Variants in ZNF318 observed in about 807,000 individuals in gnomAD.
ZNF318 encodes the protein endocrine regulator.
A neutral mutation model predicts 124.2 loss-of-function variants in ZNF318; 51 were observed. That is an observed-to-expected ratio of 0.41 (90% CI 0.33 to 0.52). The LOEUF (loss-of-function observed/expected upper bound fraction) is 0.52. ZNF318 is among the 20% of genes least tolerant of loss of function. ZNF318 has a pLI of 0.23. For synonymous variants in ZNF318, 1,090 were observed against 1,040.7 expected (o/e 1.05, Z -0.91); for missense variants, 2,815 against 2,811.2 (o/e 1.00, Z -0.03).
chr6:43,350,826 T>C (rs1039475807), intron 5 of ZNF318, among the ~76,000 whole-genome samples: 3 of 152,134 alleles, frequency 2.0e-5, no homozygotes, highest in African/African-American at 7.2e-5. Flanking sequence ...AAAAAATTTT[T>C]AAATAACTAT....
intron 5 of ZNF318, among the ~76,000 whole-genome samples, chr6:43,350,641 T>C (rs1779511825): frequency 6.6e-6 from 1 of 151,570 alleles, no homozygotes; most frequent in East Asian, 1.9e-4. Context: ...CTTGGCAACA[T>C]GGCAAAACCT....
At position 43,354,783 on chromosome 6, in the gene ZNF318, ACT is replaced by A; in HGVS notation, c.2549_2550del (p.Glu850ValfsTer24). The stretch of plus-strand genomic sequence containing the variant: ...GCCGCAGGAATTGAGCCTCGCAGAG[ACT>A]CTTTCTGCTTAGGCTTATCAGGAGT... ...TVTPDKPKQK[E>X]SLRGSIPAAQ... is the part of the protein sequence containing the mutation. On this transcript the variant is annotated frameshift_variant, in exon 4 of 10. Coordinates refer to ENST00000361428, the MANE Select transcript of ZNF318 (RefSeq NM_014345.3). LOFTEE classifies it high-confidence loss of function. The A allele has an allele frequency of 1.2e-6, 2 of 1,613,964 alleles. No homozygotes were observed. Among genetic ancestry groups the A allele is most frequent in the East Asian group, 2.2e-5 (1 of 44,870 alleles).
At chr6:43,349,452 T>C (rs1779497828) in intron 5 of ZNF318, among the ~76,000 whole-genome samples, 1 of 150,732 alleles carries the variant, frequency 6.6e-6, no homozygotes, top group Non-Finnish European at 1.5e-5. Flanking sequence ...CTTGAACTCC[T>C]GAGCTCAAAG....
chr6:43,353,027 C>T (rs1299673805), intron 4 of ZNF318, among the ~76,000 whole-genome samples: 1 of 152,136 alleles, frequency 6.6e-6, no homozygotes, highest in Non-Finnish European at 1.5e-5. Flanking sequence ...AACTATACTA[C>T]TACCTAATGA....
In ZNF318 at chr6:43,338,404, G is replaced by C; in HGVS notation, c.5594C>G (p.Ala1865Gly). Residue 1865 changes from alanine to glycine, a missense_variant, in exon 10 of 10, where the codon GCA (alanine) becomes GGA (glycine). Physicochemically the swap from Ala to Gly is moderately conservative, Grantham distance 60. Around this residue, in one of 4 missense-constraint regions of ZNF318, gnomAD observed 927 missense variants for 820.6 expected, o/e 1.13. Coordinates refer to ENST00000361428, the MANE Select transcript of ZNF318 (RefSeq NM_014345.3). Reference sequence around the variant, plus strand: ...TTCTGATAAAAATGAGTCTAATTTTGCCTTTGTGAAAGAGCAAGCCTGTGG... The same window carrying C: ...TTCTGATAAAAATGAGTCTAATTTTCCCTTTGTGAAAGAGCAAGCCTGTGG... ...LSPQACSFTKAKLDSFLSEAR... is the reference protein window; with the variant it reads ...LSPQACSFTKGKLDSFLSEAR... 2 of 1,614,124 alleles carry C rather than the reference G, an allele frequency of 1.2e-6. No individual in the cohort carries two copies.
At chr6:43,340,610 T>C in intron 9 of ZNF318, 108 bp from the exon 10 acceptor site, 1 of 1,497,564 alleles carries the variant, frequency 6.7e-7, no homozygotes, top group Non-Finnish European at 8.8e-7. Context: ...CAGAATTATC[T>C]TCCTCAAGGA....
intron 2 of ZNF318, among the ~76,000 whole-genome samples, chr6:43,360,001 A>G (rs1270756334): frequency 6.6e-6 from 1 of 152,174 alleles, no homozygotes; most frequent in Non-Finnish European, 1.5e-5. Context: ...GAGTTGAGTC[A>G]CTCCATTGCC....
Position 43,339,648 on chromosome 6 carries a change from TGGAGGTGGGGGTGGTGGA to T in ZNF318, c.4332_4349del (p.Pro1451_Pro1456del), listed in dbSNP as rs765215558. ...GTATAACGGGGGGTGGTGGAGGTGG[TGGAGGTGGGGGTGGTGGA>T]GGAGGTGGTAGTATTTGTTCAGGTA... On this transcript the variant is annotated inframe_deletion, in exon 10 of 10. Coordinates refer to ENST00000361428, the MANE Select transcript of ZNF318 (RefSeq NM_014345.3). This position sits in a 1 kb window ranked among gnomAD's most constrained non-coding sequence, Gnocchi z 4.2. 23 of 785,900 alleles carry T rather than the reference TGGAGGTGGGGGTGGTGGA, an allele frequency of 2.9e-5. No homozygotes were observed. Among genetic ancestry groups the T allele is most frequent in the Non-Finnish European group, 1.8e-6 (1 of 540,666 alleles). 48.7% of individuals were successfully genotyped at this position (785,900 alleles called of 1,614,324 possible).
At chr6:43,359,949 T>C (rs1779659442) in intron 2 of ZNF318, among the ~76,000 whole-genome samples, 1 of 152,204 alleles carries the variant, frequency 6.6e-6, no homozygotes, top group Admixed American at 6.5e-5. Flanking sequence ...TCTATAGGTC[T>C]GTCAGCCATA....
chr6:43,365,430 G>A lies in ZNF318; in HGVS notation c.410C>T (p.Pro137Leu), dbSNP rs1486389871. ...PGDSGSRRRS[P>L]GLCSDSLEKS... The stretch of plus-strand genomic sequence containing the variant: ...TTCCAAAGAGTCAGAACACAGACCA[G>A]GAGAGCGTCTCTACAAAAGTAAAGG... Residue 137 changes from proline to leucine, a missense_variant, in exon 2 of 10, where the codon CCT (proline) becomes CTT (leucine). By Grantham distance (98) the Pro-to-Leu change is moderately conservative. Coordinates refer to ENST00000361428, the MANE Select transcript of ZNF318 (RefSeq NM_014345.3). The A allele has an allele frequency of 4.3e-6, 7 of 1,613,554 alleles. No homozygotes were observed. In the African/African-American group the frequency reaches 5.3e-5, roughly 12 times the overall value.
chr6:43,350,136 G>A (rs1265079318), intron 5 of ZNF318, among the ~76,000 whole-genome samples: 3 of 152,186 alleles, frequency 2.0e-5, no homozygotes, highest in African/African-American at 7.2e-5. Context: ...TGTAATCCCA[G>A]CTACTTGGGA....
rs767759835 is a variant in ZNF318, at chr6:43,338,495, C to T, written c.5503G>A (p.Ala1835Thr). 6 of 1,614,198 alleles carry T rather than the reference C, an allele frequency of 3.7e-6. No homozygotes were observed. The East Asian group carries it at 1.3e-4, about 36-fold the overall frequency. The change falls in exon 10 of 10, where the codon GCT becomes ACT. Residue 1835 changes from alanine (A) to threonine (T), a missense_variant. Physicochemically the swap from Ala to Thr is moderately conservative, Grantham distance 58. This residue lies in a region of ZNF318 where 927 missense variants were observed against 820.6 expected (regional missense o/e 1.13). Transcript: ENST00000361428. ...GTCATCAATTTATTGGACTGTTCAG[C>T]CTCTTTGTCAATCATTAGCAAGTTG... is the stretch of plus-strand genomic sequence containing the variant. Reference protein sequence around the residue: ...QPNLLMIDKEAEQSNKLMTGS... With the variant: ...QPNLLMIDKETEQSNKLMTGS...
intron 2 of ZNF318, among the ~76,000 whole-genome samples, chr6:43,364,475 A>ACGGCAAG (rs1779733077): frequency 6.6e-6 from 1 of 152,148 alleles, no homozygotes. Flanking sequence ...TCTGTGCAAC[A>ACGGCAAG]CGGCAAGCGA....
Position 43,354,603 on chromosome 6 carries a change from A to G in ZNF318, c.2670+61T>C, listed in dbSNP as rs528530163. 2.5e-5 allele frequency: 37 copies of G among 1,488,002 alleles called. No individual in the cohort carries two copies. The African/African-American group carries it at 4.4e-4, about 18-fold the overall frequency. 92.2% of individuals were successfully genotyped at this position (1,488,002 alleles called of 1,614,324 possible). On this transcript the variant is annotated intron_variant, in intron 4 of 9. Coordinates refer to ENST00000361428, the MANE Select transcript of ZNF318 (RefSeq NM_014345.3). Reference sequence around the variant, plus strand: ...AAATTTTCAGCCCCTTCTAAAAAACATATACAAATTTATGGCAAAACAGAA... The same window carrying G: ...AAATTTTCAGCCCCTTCTAAAAAACGTATACAAATTTATGGCAAAACAGAA...
chr6:43,368,983 C>T lies in ZNF318; in HGVS notation c.383G>A (p.Gly128Asp). ...YARDGRGDHP[G>D]DSGSRRRSPG... Reference sequence around the variant, plus strand: ...TGGGATTACCCGGCTGCCGCTGTCGCCTGGATGGTCTCCGCGGCCGTCCCG... The same window carrying T: ...TGGGATTACCCGGCTGCCGCTGTCGTCTGGATGGTCTCCGCGGCCGTCCCG... The change falls in exon 1 of 10, where the codon GGC becomes GAC. Residue 128 changes from glycine to aspartate, a missense_variant. By Grantham distance (94) the Gly-to-Asp change is moderately conservative (BLOSUM62 -1). This residue lies in a region of ZNF318 where 1,377 missense variants were observed against 1,353.5 expected (regional missense o/e 1.02). Transcript: ENST00000361428. The T allele has an allele frequency of 2.1e-6, 3 of 1,433,498 alleles. No individual in the cohort carries two copies. The highest frequency in any genetic ancestry group is 2.7e-6 in the Non-Finnish European group (3 of 1,091,180). The allele number at this position is 1,433,498 out of a possible 1,614,324, so 88.8% of individuals were successfully genotyped here.
At position 43,355,976 on chromosome 6, in the gene ZNF318, C is replaced by G; in HGVS notation, c.1358G>C (p.Trp453Ser). ...LKEPQGNLYQ[W>S]GPLPGIPKDN... ...TTTGGGAATCCCAGGAAGGGGACCC[C>G]ATTGGTAGAGGTTGCCCTGAGGTTC... The change falls in exon 4 of 10, where the codon TGG becomes TCG. Residue 453 changes from tryptophan to serine, a missense_variant. Trp to Ser is a radical substitution (Grantham distance 177). This residue lies in a region of ZNF318 where 1,377 missense variants were observed against 1,353.5 expected (regional missense o/e 1.02). Transcript: ENST00000361428. The G allele has an allele frequency of 6.2e-7, 1 of 1,614,168 alleles. No homozygotes were observed. Among genetic ancestry groups the G allele is most frequent in the Non-Finnish European group, 8.5e-7 (1 of 1,180,024 alleles).
chr6:43,357,605 T>C lies in ZNF318; in HGVS notation c.709A>G (p.Ser237Gly). The C allele has an allele frequency of 6.2e-7, 1 of 1,614,180 alleles. No homozygotes were observed. The highest frequency in any genetic ancestry group is 1.1e-5 in the South Asian group (1 of 91,084). ...TCATCATGACAACTGATATGGGGAC[T>C]ATAATCAGATCGATGCAGGAAAGTT... Reference protein sequence around the residue: ...KETFLHRSDYSPHISCHDELL... With the variant: ...KETFLHRSDYGPHISCHDELL... Residue 237 changes from serine (S) to glycine (G), a missense_variant, in exon 3 of 10, where the codon AGT becomes GGT. Transcript: ENST00000361428.
In ZNF318 at chr6:43,355,935, T is replaced by C. The variant is rs1193333273; in HGVS notation, c.1399A>G (p.Arg467Gly). 1.9e-6 allele frequency: 3 copies of C among 1,614,112 alleles called. No individual in the cohort carries two copies. Among genetic ancestry groups the C allele is most frequent in the Non-Finnish European group, 2.5e-6 (3 of 1,180,044 alleles). ...PGIPKDNSPL[R>G]EKFGSFLCHK... ...CATAGAAAACTTCCAAATTTTTCTC[T>C]GAGAGGACTGTTGTCTTTGGGAATC... The change falls in exon 4 of 10, where the codon AGA becomes GGA. Residue 467 changes from arginine (R) to glycine (G), a missense_variant. Transcript: ENST00000361428.
In ZNF318 at chr6:43,355,795, C is replaced by A. The variant is rs1280865655; in HGVS notation, c.1539G>T (p.Met513Ile). 1.2e-6 allele frequency: 2 copies of A among 1,614,240 alleles called. No individual in the cohort carries two copies. The highest frequency in any genetic ancestry group is 1.7e-6 in the Non-Finnish European group (2 of 1,180,040). The change falls in exon 4 of 10, where the codon ATG becomes ATT. Residue 513 changes from methionine to isoleucine, a missense_variant. Around this residue, in one of 4 missense-constraint regions of ZNF318, gnomAD observed 1,377 missense variants for 1,353.5 expected, o/e 1.02. Transcript: ENST00000361428. The part of the protein sequence containing the change: ...DGSGFSRILS[M>I]LADSTSTQEK... Reference sequence around the variant, plus strand: ...CCTGTGTACTGGTAGAATCAGCCAACATGCTCAGAATGCGGGAAAAACCAC... The same window carrying A: ...CCTGTGTACTGGTAGAATCAGCCAAAATGCTCAGAATGCGGGAAAAACCAC...
Sources: gnomAD v4.1 joint callset for allele counts (sites outside exome capture counted in the v4.1 genomes callset) on GRCh38, gnomAD v4.1.1 for gene constraint, gnomAD v4.1.1 regional missense constraint, Gnocchi (gnomAD v3.1) non-coding constraint, MANE v1.5 for transcripts, NCBI Gene and HGNC (gene_info 2026-07-23, HGNC 2026-07-21) for gene names.